Variants in ANO4 observed in about 807,000 individuals in gnomAD.
The protein encoded by ANO4 is anoctamin 4, also known as anoctamin-4.
Under a neutral mutation model 141.9 loss-of-function variants are expected in ANO4, and 69 were observed. The ratio of observed to expected loss-of-function variants is 0.49; its 90% CI spans 0.40 to 0.59. ANO4 has a LOEUF of 0.59. Ranked by LOEUF, ANO4 falls within the 20% of genes least tolerant of loss-of-function variation. ANO4 has a pLI of 0.00. For missense variants in ANO4, 894 were observed against 1,162.2 expected (o/e 0.77, Z 3.36); for synonymous variants, 350 against 394.3 (o/e 0.89, Z 1.33).
chr12:100,720,248 G>A (rs1001247641), intron 1 of ANO4, among the ~76,000 whole-genome samples: 36 of 152,034 alleles, frequency 2.4e-4, no homozygotes, highest in African/African-American at 7.2e-4. Context: ...CCTGTCAGCC[G>A]TGATGAGGCT....
chr12:101,012,952 CT>C (rs942846559), intron 8 of ANO4, among the ~76,000 whole-genome samples: 96 of 151,906 alleles, frequency 6.3e-4, no homozygotes, highest in African/African-American at 2.2e-3. Flanking sequence ...ACTTCAGTTC[CT>C]TTTTTTTCCA....
At chr12:100,758,283 G>A (rs964891886) in intron 3 of ANO4, among the ~76,000 whole-genome samples, 1 of 152,206 alleles carries the variant, frequency 6.6e-6, no homozygotes, top group Admixed American at 6.5e-5. Flanking sequence ...GCAGATGGTG[G>A]CCTTGGTGTG....
chr12:100,803,621 G>A (rs1051182997), intron 1 of ANO4, among the ~76,000 whole-genome samples: 3 of 152,134 alleles, frequency 2.0e-5, no homozygotes, highest in Admixed American at 6.5e-5. Flanking sequence ...GTCTCCTAGC[G>A]GTGGAGTGCC....
At chr12:100,992,293 A>G (rs944216510) in intron 8 of ANO4, among the ~76,000 whole-genome samples, 7 of 152,224 alleles carry the variant, frequency 4.6e-5, no homozygotes, top group African/African-American at 1.4e-4. Flanking sequence ...GCCTACCTGC[A>G]CTGCCATCCC....
upstream of ANO4, among the ~76,000 whole-genome samples, chr12:100,791,185 C>T (rs2034034006): frequency 6.6e-6 from 1 of 151,972 alleles, no homozygotes; most frequent in Non-Finnish European, 1.5e-5. Context: ...TCGAGACTAG[C>T]CTGGGCAACA....
intron 5 of ANO4, among the ~76,000 whole-genome samples, chr12:100,970,370 C>T (rs2043862087): frequency 6.6e-6 from 1 of 152,190 alleles, no homozygotes. Flanking sequence ...CTCTTCCCTC[C>T]TTAGTACGCC....
chr12:100,856,202 A>G (rs1363177586), intron 1 of ANO4, among the ~76,000 whole-genome samples: 2 of 152,158 alleles, frequency 1.3e-5, no homozygotes, highest in Non-Finnish European at 2.9e-5. Flanking sequence ...TTTGGTTATA[A>G]TCAGCCAGAA....
chr12:101,056,095 A>G (rs1190106646), intron 14 of ANO4, among the ~76,000 whole-genome samples: 1 of 152,100 alleles, frequency 6.6e-6, no homozygotes, highest in East Asian at 1.9e-4. Flanking sequence ...TTTTCTTTTC[A>G]AAAATTGTTT....
chr12:101,123,264 C>G (rs947704655), intron 26 of ANO4, among the ~76,000 whole-genome samples: 3 of 152,110 alleles, frequency 2.0e-5, no homozygotes, highest in Non-Finnish European at 2.9e-5. Context: ...TATTTTTAAC[C>G]CATCACTGTC....
At chr12:100,991,673 T>G (rs896050792) in intron 8 of ANO4, among the ~76,000 whole-genome samples, 4 of 152,172 alleles carry the variant, frequency 2.6e-5, no homozygotes, top group African/African-American at 9.7e-5. Flanking sequence ...TTCTTTTCCT[T>G]AACCAATATT....
chr12:100,942,501 A>G lies in ANO4; in HGVS notation c.422A>G (p.Asn141Ser). ...GAAAAGAGAGAAGTATTTGAAAGAA[A>G]CATTAGAGCAGAAGGATTGCAAATG... The part of the protein sequence containing the change: ...QTEKREVFER[N>S]IRAEGLQMEK... The change falls in exon 5 of 28, where the codon AAC (asparagine) becomes AGC (serine). Residue 141 changes from asparagine (N) to serine (S), a missense_variant. This residue lies in a region of ANO4 where 257 missense variants were observed against 253.0 expected (regional missense o/e 1.02). Transcript: ENST00000392977. 1 of 1,614,108 alleles carries G rather than the reference A, an allele frequency of 6.2e-7. No individual in the cohort carries two copies. Among genetic ancestry groups the G allele is most frequent in the Non-Finnish European group, 8.5e-7 (1 of 1,179,986 alleles).
intron 1 of ANO4, among the ~76,000 whole-genome samples, chr12:100,808,299 C>T (rs1268888489): frequency 1.3e-5 from 2 of 152,134 alleles, no homozygotes; most frequent in South Asian, 4.1e-4. Context: ...TTGCATTTAT[C>T]TAATGATCAA....
At position 101,022,833 on chromosome 12, in the gene ANO4, A is replaced by G. The variant is rs565363998; in HGVS notation, c.841+2693A>G. ...CAGCTCACTGCAATCTCTGCCTCCC[A>G]GGTTCAAGTGATTCTCCTGCCTCAG... On this transcript the variant is annotated intron_variant, in intron 9 of 27. Transcript: ENST00000392977. 3.4e-3 allele frequency among the ~76,000 whole-genome samples: 511 copies of G among 152,192 alleles called. 6 individuals are homozygous for G. Among genetic ancestry groups the G allele is most frequent in the African/African-American group, 0.012 (484 of 41,536 alleles).
At chr12:100,730,951 C>A (rs1257859333) in intron 1 of ANO4, among the ~76,000 whole-genome samples, 2 of 152,218 alleles carry the variant, frequency 1.3e-5, no homozygotes, top group Admixed American at 1.3e-4. Flanking sequence ...TACTTCCCAA[C>A]TGCTTTCAAA....
intron 24 of ANO4, among the ~76,000 whole-genome samples, chr12:101,113,455 TTTTC>T (rs1315904928): frequency 3.9e-5 from 6 of 152,200 alleles, no homozygotes; most frequent in African/African-American, 1.2e-4. Flanking sequence ...GGAGCTTTTC[TTTTC>T]TTTCTTTCTT....
intron 1 of ANO4, among the ~76,000 whole-genome samples, chr12:100,870,704 T>C (rs1309924793): frequency 6.6e-6 from 1 of 152,190 alleles, no homozygotes; most frequent in African/African-American, 2.4e-5. Context: ...TTTTGTAGTA[T>C]GGCAGGGTGA....
intron 8 of ANO4, among the ~76,000 whole-genome samples, chr12:100,997,443 G>A (rs540135748): frequency 6.6e-6 from 1 of 151,534 alleles, no homozygotes; most frequent in East Asian, 1.9e-4. Flanking sequence ...CTAGGGATAA[G>A]CCTGTGCATG....
At chr12:100,849,231 A>G (rs527757271) in intron 1 of ANO4, among the ~76,000 whole-genome samples, 96 of 152,372 alleles carry the variant, frequency 6.3e-4, no homozygotes, top group Non-Finnish European at 1.1e-3. Context: ...AACCTGGGCC[A>G]TAAACAGTAA....
chr12:100,831,643 A>G (rs530819697), intron 1 of ANO4, among the ~76,000 whole-genome samples: 1 of 152,238 alleles, frequency 6.6e-6, no homozygotes, highest in East Asian at 1.9e-4. Flanking sequence ...GAGATGCTTA[A>G]TATGTATTTA....
Sources: gnomAD v4.1 joint callset for allele counts (sites outside exome capture counted in the v4.1 genomes callset) on GRCh38, gnomAD v4.1.1 for gene constraint, gnomAD v4.1.1 regional missense constraint, MANE v1.5 for transcripts, NCBI Gene and HGNC (gene_info 2026-07-23, HGNC 2026-07-21) for gene names.